Variants in P2RY2 observed in about 807,000 individuals in gnomAD.
P2RY2 encodes the protein purinergic receptor P2Y2, also known as P2Y purinoceptor 2.
For missense variants in P2RY2, 567 were observed against 515.7 expected, an observed-to-expected ratio of 1.10 and a Z score of -0.96; for synonymous variants, 241 against 231.9, an observed-to-expected ratio of 1.04 and a Z score of -0.35.
rs939188808 is a variant in P2RY2 at position 73,237,008 on chromosome 11, C to T, written c.*1715C>T. On this transcript the variant is annotated 3_prime_UTR_variant, in exon 3 of 3. Transcript: ENST00000393597. ...CGCCCTGTGGCCCACTCTGCCTGCC[C>T]CCTCTGACCTCTCCACCCTTCCCAC... 1.1e-5 allele frequency: 11 copies of T among 985,174 alleles called. No individual in the cohort carries two copies. In the African/African-American group the frequency reaches 1.9e-4, roughly 17 times the overall value. 61.0% of individuals were successfully genotyped at this position (985,174 alleles called of 1,614,324 possible).
rs773444523 is a variant in P2RY2 at position 73,235,298 on chromosome 11, A to G, written c.*5A>G. ...ACTAAGGACATTCGGCTGTAGGAGCAGAACACTTCAGCCTGTGCAGGTTTA... is the reference window on the plus strand; with the variant it reads ...ACTAAGGACATTCGGCTGTAGGAGCGGAACACTTCAGCCTGTGCAGGTTTA... On this transcript the variant is annotated 3_prime_UTR_variant, in exon 3 of 3. Coordinates refer to ENST00000393597, the MANE Select transcript of P2RY2 (RefSeq NM_002564.4). 2 of 1,540,550 alleles carry G rather than the reference A, an allele frequency of 1.3e-6. No individual in the cohort carries two copies. Among genetic ancestry groups the G allele is most frequent in the Non-Finnish European group, 1.7e-6 (2 of 1,142,872 alleles).
At chr11:73,233,886 C>A in intron 2 of P2RY2, 1 of 501,174 alleles carries the variant, frequency 2.0e-6, no homozygotes. Flanking sequence ...AGATGGGCAC[C>A]GTTGTGTTCC....
Position 73,236,137 on chromosome 11 carries a change from C to G in P2RY2, c.*844C>G. 1.0e-6 allele frequency: 1 copy of G among 1,000,326 alleles called. No homozygotes were observed. The highest frequency in any genetic ancestry group is 1.2e-6 in the Non-Finnish European group (1 of 829,998). The allele number at this position is 1,000,326 out of a possible 1,614,324, so 62.0% of individuals were successfully genotyped here. Reference sequence around the variant, plus strand: ...AGCCAGTTGGCTTCTGTGCCTGACTCTGTGCTGAGCACAGAGAAAAGTCAG... The same window carrying G: ...AGCCAGTTGGCTTCTGTGCCTGACTGTGTGCTGAGCACAGAGAAAAGTCAG... On this transcript the variant is annotated 3_prime_UTR_variant, in exon 3 of 3. Coordinates refer to ENST00000393597, the MANE Select transcript of P2RY2 (RefSeq NM_002564.4).
rs148594806 is a variant in P2RY2 at position 73,234,077 on chromosome 11, CT to C, written c.-4-78del. 966 of 1,500,268 alleles carry C rather than the reference CT, an allele frequency of 6.4e-4. 11 individuals carry two copies. In the East Asian group the frequency reaches 0.021, roughly 33 times the overall value. The allele number at this position is 1,500,268 out of a possible 1,614,324, so 92.9% of individuals were successfully genotyped here. A position where few individuals can be genotyped will look rare whatever the true frequency, so the allele number is the denominator to read the frequency against. On this transcript the variant is annotated intron_variant, in intron 2 of 2. Transcript: ENST00000393597. ...TCCAAGTCAGATGGCAATGAAAGCC[CT>C]GGTCAGGTGGCTGTGTCAGGTCCCC...
chr11:73,231,630 C>G (rs773269621), intron 2 of P2RY2, among the ~76,000 whole-genome samples: 2 of 152,016 alleles, frequency 1.3e-5, no homozygotes, highest in Non-Finnish European at 2.9e-5. Flanking sequence ...CACCCCTAAT[C>G]TCAGCCTCTT....
chr11:73,227,005 A>G (rs899355933), intron 1 of P2RY2, among the ~76,000 whole-genome samples: 1 of 152,040 alleles, frequency 6.6e-6, no homozygotes, highest in Admixed American at 6.6e-5. Flanking sequence ...AGGTATACAC[A>G]TGCCCTGGTG....
At position 73,234,932 on chromosome 11, in the gene P2RY2, T is replaced by G; in HGVS notation, c.773T>G (p.Phe258Cys). Reference sequence around the variant, plus strand: ...GTGCTGGCTGTCTTCGCCCTCTGCTTCCTGCCATTCCACGTCACCCGCACC... The same window carrying G: ...GTGCTGGCTGTCTTCGCCCTCTGCTGCCTGCCATTCCACGTCACCCGCACC... The part of the protein sequence containing the change: ...AVVLAVFALC[F>C]LPFHVTRTLY... The change falls in exon 3 of 3, where the codon TTC becomes TGC. Residue 258 changes from phenylalanine to cysteine, a missense_variant. Coordinates refer to ENST00000393597, the MANE Select transcript of P2RY2 (RefSeq NM_002564.4). The G allele has an allele frequency of 6.2e-7, 1 of 1,610,970 alleles. No individual in the cohort carries two copies. Among genetic ancestry groups the G allele is most frequent in the East Asian group, 2.2e-5 (1 of 44,878 alleles).
intron 1 of P2RY2, among the ~76,000 whole-genome samples, chr11:73,218,853 C>T (rs766114617): frequency 6.6e-6 from 1 of 152,156 alleles, no homozygotes; most frequent in Non-Finnish European, 1.5e-5. Flanking sequence ...CCCCTGGAGA[C>T]CCCCTACCAC....
At position 73,237,427 on chromosome 11, in the gene P2RY2, T is replaced by C. The variant is rs934399377; in HGVS notation, c.*2134T>C. On this transcript the variant is annotated 3_prime_UTR_variant, in exon 3 of 3. Coordinates refer to ENST00000393597, the MANE Select transcript of P2RY2 (RefSeq NM_002564.4). Reference sequence around the variant, plus strand: ...CACACCTGGCTAATTTTTGTATTTTTAATAGAGACAGGGTTTCGCCATGTT... The same window carrying C: ...CACACCTGGCTAATTTTTGTATTTTCAATAGAGACAGGGTTTCGCCATGTT... 3.3e-5 allele frequency among the ~76,000 whole-genome samples: 5 copies of C among 152,238 alleles called. No individual in the cohort carries two copies. Among genetic ancestry groups the C allele is most frequent in the African/African-American group, 1.2e-4 (5 of 41,528 alleles).
intron 2 of P2RY2, among the ~76,000 whole-genome samples, chr11:73,233,694 A>C (rs1433193877): frequency 6.6e-6 from 1 of 152,226 alleles, no homozygotes; most frequent in Non-Finnish European, 1.5e-5. Flanking sequence ...ATGGGGTCTC[A>C]CTTTGTTGCC....
At chr11:73,225,978 C>T (rs1862265861) in intron 1 of P2RY2, among the ~76,000 whole-genome samples, 1 of 152,146 alleles carries the variant, frequency 6.6e-6, no homozygotes, top group Non-Finnish European at 1.5e-5. Flanking sequence ...TGGTAGGATT[C>T]GTGTTTCAGG....
chr11:73,220,798 C>T (rs1282921990), intron 1 of P2RY2, among the ~76,000 whole-genome samples: 2 of 152,174 alleles, frequency 1.3e-5, no homozygotes, highest in Non-Finnish European at 2.9e-5. Context: ...GAGGCTGTGA[C>T]TCCTCTGTTT....
chr11:73,220,701 C>T (rs1330883915), intron 1 of P2RY2, among the ~76,000 whole-genome samples: 1 of 152,176 alleles, frequency 6.6e-6, no homozygotes, highest in Non-Finnish European at 1.5e-5. Context: ...TTCTCCCTGC[C>T]TTGGGCTGTC....
chr11:73,242,401 C>T lies in P2RY2; in HGVS notation c.*7108C>T, dbSNP rs753004. The T allele has an allele frequency of 0.045, 6,814 of 152,474 alleles. 519 individuals are homozygous for T. The highest frequency in any genetic ancestry group is 0.16 in the African/African-American group (6,477 of 41,446). 9.4% of individuals were successfully genotyped at this position (152,474 alleles called of 1,614,324 possible). A position where few individuals can be genotyped will look rare whatever the true frequency, so the allele number is the denominator to read the frequency against. ...TGTGTGTGTTGAATGATCACATGTT[C>T]CAGGGAGGATGGTGAGGGGCGAGGG... On this transcript the variant is annotated 3_prime_UTR_variant, in exon 3 of 3. Coordinates refer to ENST00000393597, the MANE Select transcript of P2RY2 (RefSeq NM_002564.4).
intron 1 of P2RY2, among the ~76,000 whole-genome samples, chr11:73,223,891 G>A (rs775639237): frequency 2.6e-5 from 4 of 152,184 alleles, no homozygotes; most frequent in African/African-American, 4.8e-5. Flanking sequence ...CTTGAGTAAG[G>A]CCCTTCCTCT....
rs941165278 is a variant in P2RY2 at position 73,240,314 on chromosome 11, T to C, written c.*5021T>C. The C allele has an allele frequency of 6.6e-6, 1 of 152,494 alleles. No individual in the cohort carries two copies. Among genetic ancestry groups the C allele is most frequent in the Non-Finnish European group, 1.5e-5 (1 of 68,278 alleles). The allele number at this position is 152,494 out of a possible 1,614,324, so 9.4% of individuals were successfully genotyped here. A position where few individuals can be genotyped will look rare whatever the true frequency, so the allele number is the denominator to read the frequency against. On this transcript the variant is annotated 3_prime_UTR_variant, in exon 3 of 3. Coordinates refer to ENST00000393597, the MANE Select transcript of P2RY2 (RefSeq NM_002564.4). ...TCAGAAGAGGATTTTCCACTCCCAG[T>C]ACAATGACTGCCCTGGACCATTGTC... is the stretch of plus-strand genomic sequence containing the variant.
At position 73,234,858 on chromosome 11, in the gene P2RY2, G is replaced by C. The variant is rs367687158; in HGVS notation, c.699G>C (p.Ser233=). 26 of 1,610,342 alleles carry C rather than the reference G, an allele frequency of 1.6e-5. No homozygotes were observed. The highest frequency in any genetic ancestry group is 1.1e-5 in the Non-Finnish European group (13 of 1,179,972). The change falls in exon 3 of 3, where the codon TCG becomes TCC. Residue 233 remains serine, a synonymous_variant. Coordinates refer to ENST00000393597, the MANE Select transcript of P2RY2 (RefSeq NM_002564.4). ...RRLLKPAYGT[S]GGLPRAKRKS... is the part of the protein sequence containing the mutation. ...TGCTAAAGCCAGCCTACGGGACCTC[G>C]GGCGGCCTGCCTAGGGCCAAGCGCA...
intron 2 of P2RY2, 95 bp downstream of exon 2, chr11:73,228,270 A>T (rs1440881361): frequency 6.6e-6 from 1 of 152,046 alleles, no homozygotes; most frequent in African/African-American, 2.4e-5. Context: ...ACTGGCTTAG[A>T]TCAAGCGGAT....
At chr11:73,220,015 G>C (rs763227418) in intron 1 of P2RY2, among the ~76,000 whole-genome samples, 1 of 152,178 alleles carries the variant, frequency 6.6e-6, no homozygotes, top group Non-Finnish European at 1.5e-5. Context: ...GCTCCTGGAG[G>C]GCAGAAACTG....
Sources: gnomAD v4.1 joint callset for allele counts (sites outside exome capture counted in the v4.1 genomes callset) on GRCh38, gnomAD v4.1.1 for gene constraint, MANE v1.5 for transcripts, NCBI Gene and HGNC (gene_info 2026-07-23, HGNC 2026-07-21) for gene names.